The following NKAIN2 variants were observed in gnomAD, a reference collection of about 807,000 sequenced individuals.
NKAIN2 encodes the protein sodium/potassium-transporting ATPase subunit beta-1-interacting protein 2.
In NKAIN2, 14 loss-of-function variants were observed where a neutral mutation model predicts 32.6. The ratio of observed to expected loss-of-function variants is 0.43; its 90% CI spans 0.28 to 0.67. The LOEUF (loss-of-function observed/expected upper bound fraction) is 0.67, where lower values mean the gene tolerates loss of function less well. Ranked by LOEUF, NKAIN2 falls within the 30% of genes least tolerant of loss-of-function variation. The pLI is 0.17. For synonymous variants in NKAIN2, 80 were observed against 87.2 expected, an observed-to-expected ratio of 0.92 and a Z score of 0.46; for missense variants, 198 against 258.3, an observed-to-expected ratio of 0.77 and a Z score of 1.60.
intron 2 of NKAIN2, among the ~76,000 whole-genome samples, chr6:124,284,710 C>T (rs1795460495): frequency 6.6e-6 from 1 of 151,672 alleles, no homozygotes; most frequent in Non-Finnish European, 1.5e-5. Flanking sequence ...ATGAAAAGTC[C>T]CTAGCACCGT....
At chr6:124,458,439 T>C (rs979486788) in intron 3 of NKAIN2, among the ~76,000 whole-genome samples, 1 of 151,628 alleles carries the variant, frequency 6.6e-6, no homozygotes, top group African/African-American at 2.4e-5. Context: ...AAGTAGTAGC[T>C]GTAGGCTACA....
At chr6:124,681,287 T>G (rs575582179) in intron 4 of NKAIN2, among the ~76,000 whole-genome samples, 1 of 152,184 alleles carries the variant, frequency 6.6e-6, no homozygotes, top group South Asian at 2.1e-4. Context: ...GAATTTATTT[T>G]AACTTTTTTT....
intron 3 of NKAIN2, among the ~76,000 whole-genome samples, chr6:124,481,879 A>G (rs904809428): frequency 1.3e-5 from 2 of 151,964 alleles, no homozygotes; most frequent in African/African-American, 2.4e-5. Context: ...GAGGGGGAAT[A>G]AAAAAATCAT....
intron 3 of NKAIN2, among the ~76,000 whole-genome samples, chr6:124,556,055 T>C (rs1193172913): frequency 6.7e-6 from 1 of 149,774 alleles, no homozygotes; most frequent in Non-Finnish European, 1.5e-5. Context: ...CCTTCAATTA[T>C]TTTGCCCATT....
At chr6:123,953,970 G>A (rs1211848096) in intron 1 of NKAIN2, among the ~76,000 whole-genome samples, 1 of 152,196 alleles carries the variant, frequency 6.6e-6, no homozygotes, top group African/African-American at 2.4e-5. Context: ...ACAGGTGTGG[G>A]AGTTTGCACT....
chr6:124,572,305 G>T (rs532554220), intron 3 of NKAIN2, among the ~76,000 whole-genome samples: 1 of 152,156 alleles, frequency 6.6e-6, no homozygotes, highest in Admixed American at 6.5e-5. Flanking sequence ...CAGAAATAAT[G>T]TTCAACCAGT....
chr6:124,694,578 A>G (rs922684468), intron 4 of NKAIN2, among the ~76,000 whole-genome samples: 3 of 152,224 alleles, frequency 2.0e-5, no homozygotes, highest in African/African-American at 7.2e-5. Context: ...AACAGACAAC[A>G]GCTTGAATCC....
rs923983700 is a variant in NKAIN2 at position 124,825,227 on chromosome 6, A to G, written c.*1998A>G. On this transcript the variant is annotated 3_prime_UTR_variant, in exon 7 of 7. Coordinates refer to ENST00000368417, the MANE Select transcript of NKAIN2 (RefSeq NM_001040214.3). ...TCATGCTGTGATGCGATTTCACCTT[A>G]TAGTACATGTATATGGGTACAGAAA... is the stretch of plus-strand genomic sequence containing the variant. 2.6e-5 allele frequency: 4 copies of G among 152,640 alleles called. No homozygotes were observed. The highest frequency in any genetic ancestry group is 9.6e-5 in the African/African-American group (4 of 41,460). The allele number at this position is 152,640 out of a possible 1,614,324, so 9.5% of individuals were successfully genotyped here. A position where few individuals can be genotyped will look rare whatever the true frequency, so the allele number is the denominator to read the frequency against.
intron 2 of NKAIN2, among the ~76,000 whole-genome samples, chr6:124,292,116 T>C (rs920303561): frequency 1.3e-5 from 2 of 152,126 alleles, no homozygotes; most frequent in African/African-American, 4.8e-5. Context: ...AAAATCTCCT[T>C]GTTTTCCCCA....
At chr6:123,922,782 G>A (rs989640812) in intron 1 of NKAIN2, among the ~76,000 whole-genome samples, 1 of 152,126 alleles carries the variant, frequency 6.6e-6, no homozygotes, top group Admixed American at 6.6e-5. Context: ...GAGGTAGGAG[G>A]TAATTAGAAA....
intron 1 of NKAIN2, among the ~76,000 whole-genome samples, chr6:124,254,448 G>A (rs1472552733): frequency 6.6e-6 from 1 of 152,080 alleles, no homozygotes; most frequent in East Asian, 1.9e-4. Context: ...GTGGTGGGAG[G>A]CACTAGAGAG....
At chr6:123,885,597 C>A (rs564105895) in intron 1 of NKAIN2, among the ~76,000 whole-genome samples, 1 of 151,990 alleles carries the variant, frequency 6.6e-6, no homozygotes, top group East Asian at 1.9e-4. Flanking sequence ...GTTTTAAGAG[C>A]AGTTAGGAAT....
intron 1 of NKAIN2, among the ~76,000 whole-genome samples, chr6:124,173,438 A>C (rs1788995470): frequency 6.6e-6 from 1 of 152,100 alleles, no homozygotes; most frequent in Non-Finnish European, 1.5e-5. Context: ...TTCCTACCTC[A>C]AAAACTTCCC....
At chr6:123,845,235 C>A (rs1425405691) in intron 1 of NKAIN2, among the ~76,000 whole-genome samples, 1 of 152,042 alleles carries the variant, frequency 6.6e-6, no homozygotes, top group Non-Finnish European at 1.5e-5. Context: ...TCTTCTATGG[C>A]AAAGAACAGT....
chr6:123,876,985 A>G (rs1260697472), intron 1 of NKAIN2, among the ~76,000 whole-genome samples: 3 of 152,188 alleles, frequency 2.0e-5, no homozygotes, highest in Non-Finnish European at 4.4e-5. Context: ...CAGGCACAAA[A>G]ATTACCCCAA....
At chr6:124,572,849 A>G (rs1192691871) in intron 3 of NKAIN2, among the ~76,000 whole-genome samples, 1 of 151,788 alleles carries the variant, frequency 6.6e-6, no homozygotes, top group Non-Finnish European at 1.5e-5. Context: ...TTATTTATTT[A>G]TTTATTTTTG....
rs370353018 is a variant in NKAIN2, at chr6:124,640,181, GATA to G, written c.274-18002_274-18000del. On this transcript the variant is annotated intron_variant, in intron 3 of 6. Coordinates refer to ENST00000368417, the MANE Select transcript of NKAIN2 (RefSeq NM_001040214.3). The stretch of plus-strand genomic sequence containing the variant: ...TCATAATTTCTGACTATCGAAAAAT[GATA>G]ATGACAGTACCAGGGGTGGGTTTCC... Among the ~76,000 whole-genome samples the G allele has an allele frequency of 6.0e-4, 91 of 152,154 alleles. No homozygotes were observed. The South Asian group carries it at 0.018, about 30-fold the overall frequency.
chr6:124,107,773 C>T (rs1022683042), intron 1 of NKAIN2, among the ~76,000 whole-genome samples: 2 of 152,244 alleles, frequency 1.3e-5, no homozygotes, highest in African/African-American at 4.8e-5. Flanking sequence ...TTAGATTCCT[C>T]ATATAAGTAT....
chr6:124,469,895 C>T (rs1164750752), intron 3 of NKAIN2, among the ~76,000 whole-genome samples: 1 of 152,136 alleles, frequency 6.6e-6, no homozygotes, highest in Non-Finnish European at 1.5e-5. Flanking sequence ...TCCTGAAGAC[C>T]ATAACCACAC....
Sources: gnomAD v4.1 joint callset for allele counts (sites outside exome capture counted in the v4.1 genomes callset) on GRCh38, gnomAD v4.1.1 for gene constraint, MANE v1.5 for transcripts, NCBI Gene and HGNC (gene_info 2026-07-23, HGNC 2026-07-21) for gene names.